ANKRD45: variants seen among roughly 807,000 people sequenced by gnomAD.
ANKRD45 encodes the protein ankyrin repeat domain-containing protein 45.
Under a neutral mutation model 28.1 loss-of-function variants are expected in ANKRD45, and 21 were observed. The ratio of observed to expected loss-of-function variants is 0.75; its 90% CI spans 0.53 to 1.08. The LOEUF is 1.08. Among genes scored for constraint, ANKRD45 ranks in the 50% least tolerant of loss-of-function variants. ANKRD45 has a pLI of 0.00. For synonymous variants in ANKRD45, 86 were observed against 103.9 expected, an observed-to-expected ratio of 0.83 and a Z score of 1.05; for missense variants, 261 against 308.7, an observed-to-expected ratio of 0.85 and a Z score of 1.16.
the ANKRD45 span, among the ~76,000 whole-genome samples, chr1:173,689,947 A>G: frequency 4.2e-4 from 64 of 151,756 alleles, no homozygotes; most frequent in African/African-American, 1.5e-3. Flanking sequence ...ACCCAAGTGT[A>G]TAACTGAGGT....
At chr1:173,654,526 A>C (rs552597692) in intron 2 of ANKRD45, among the ~76,000 whole-genome samples, 1 of 152,246 alleles carries the variant, frequency 6.6e-6, no homozygotes, top group South Asian at 2.1e-4. Context: ...GGCTGCACTT[A>C]ACATTTTTTC....
chr1:173,617,098 A>C (rs751781085), intron 5 of ANKRD45, among the ~76,000 whole-genome samples: 2 of 152,074 alleles, frequency 1.3e-5, no homozygotes, highest in Non-Finnish European at 2.9e-5. Context: ...ATGCCACCAG[A>C]GCCTTGGGTC....
chr1:173,664,286 T>G (rs867445549), intron 1 of ANKRD45, among the ~76,000 whole-genome samples: 2 of 152,238 alleles, frequency 1.3e-5, no homozygotes, highest in Non-Finnish European at 2.9e-5. Flanking sequence ...CAAAAGTGTC[T>G]GTTATTATTA....
intron 2 of ANKRD45, among the ~76,000 whole-genome samples, chr1:173,652,794 GC>G (rs200995564): frequency 0.17 from 25,474 of 151,918 alleles, 7,140 homozygotes; most frequent in African/African-American, 0.58. Context: ...GGTCTATTCA[GC>G]AGTTCAACTT....
At chr1:173,686,337 T>G in the ANKRD45 span, among the ~76,000 whole-genome samples, 1 of 152,140 alleles carries the variant, frequency 6.6e-6, no homozygotes, top group Non-Finnish European at 1.5e-5. Context: ...TTTCTTAGCT[T>G]TAGTTTGGTA....
At chr1:173,670,194 T>G (rs1670208585), upstream of ANKRD45, among the ~76,000 whole-genome samples, 2 of 152,234 alleles carry the variant, frequency 1.3e-5, no homozygotes, top group Admixed American at 1.3e-4. Flanking sequence ...TTGGATATCT[T>G]TCTCCCATGG....
At chr1:173,680,616 A>G in the ANKRD45 span, among the ~76,000 whole-genome samples, 2 of 152,072 alleles carry the variant, frequency 1.3e-5, no homozygotes, top group Non-Finnish European at 2.9e-5. Flanking sequence ...CATTCTGCAC[A>G]TGTACCCCAG....
chr1:173,700,544 A>T, the ANKRD45 span, among the ~76,000 whole-genome samples: 3 of 152,298 alleles, frequency 2.0e-5, no homozygotes, highest in East Asian at 5.8e-4. Flanking sequence ...TGATCTTTGG[A>T]CAACCTGACA....
the ANKRD45 span, among the ~76,000 whole-genome samples, chr1:173,689,853 C>T: frequency 6.6e-6 from 1 of 152,072 alleles, no homozygotes; most frequent in African/African-American, 2.4e-5. Context: ...AGGGTGCTCA[C>T]ATTCCTGAAC....
At position 173,608,434 on chromosome 1, in the gene ANKRD45, C is replaced by T. The variant is rs551968244; in HGVS notation, c.*1711G>A. Among the ~76,000 whole-genome samples the T allele has an allele frequency of 1.3e-5, 2 of 152,278 alleles. No individual in the cohort carries two copies. Among genetic ancestry groups the T allele is most frequent in the East Asian group, 1.9e-4 (1 of 5,172 alleles). On this transcript the variant is annotated 3_prime_UTR_variant, in exon 6 of 6. Transcript: ENST00000333279. ...CCGGGCTCAGGTGATTCTCCTGCCT[C>T]AGCCTCCCAAGTCACTGGGATTACA...
chr1:173,652,880 G>T (rs1411079576), intron 2 of ANKRD45, among the ~76,000 whole-genome samples: 1 of 152,198 alleles, frequency 6.6e-6, no homozygotes, highest in Admixed American at 6.5e-5. Flanking sequence ...TAGTTTATTT[G>T]TGTAGAGGTG....
At chr1:173,686,689 T>C in the ANKRD45 span, among the ~76,000 whole-genome samples, 1 of 152,364 alleles carries the variant, frequency 6.6e-6, no homozygotes, top group African/African-American at 2.4e-5. Context: ...GTGGACTTTA[T>C]AGTCCTTGGT....
the ANKRD45 span, among the ~76,000 whole-genome samples, chr1:173,682,684 T>TATACACACACACAC: frequency 1.7e-4 from 24 of 143,940 alleles, 1 homozygote; most frequent in African/African-American, 5.7e-4. Flanking sequence ...GCCTTTTAAA[T>TATACACACACACAC]ACACACACAC....
chr1:173,626,592 T>A (rs1318861812), intron 4 of ANKRD45, among the ~76,000 whole-genome samples: 1 of 152,210 alleles, frequency 6.6e-6, no homozygotes, highest in Admixed American at 6.5e-5. Flanking sequence ...CCAGTACTAT[T>A]AATACAGCTT....
At chr1:173,644,133 A>G (rs1668821703) in intron 3 of ANKRD45, among the ~76,000 whole-genome samples, 1 of 152,244 alleles carries the variant, frequency 6.6e-6, no homozygotes, top group South Asian at 2.1e-4. Context: ...TGGAATTTTC[A>G]GTAGAATGCA....
chr1:173,623,309 C>T (rs1252969789), intron 5 of ANKRD45, among the ~76,000 whole-genome samples: 1 of 138,138 alleles, frequency 7.2e-6, no homozygotes, highest in Admixed American at 7.4e-5. Flanking sequence ...GACTCCGCCT[C>T]GAAAAAAAAA....
chr1:173,637,879 T>C (rs922750125), intron 3 of ANKRD45, among the ~76,000 whole-genome samples: 1 of 152,148 alleles, frequency 6.6e-6, no homozygotes, highest in Non-Finnish European at 1.5e-5. Flanking sequence ...TTTGGTCCTC[T>C]CTCATGGGGA....
At chr1:173,707,560 T>C in the ANKRD45 span, among the ~76,000 whole-genome samples, 8 of 152,300 alleles carry the variant, frequency 5.3e-5, no homozygotes, top group East Asian at 1.5e-3. Flanking sequence ...CTTGAACTGC[T>C]GACCTCAAGT....
chr1:173,662,019 CA>C (rs1403186836), intron 1 of ANKRD45, among the ~76,000 whole-genome samples: 1 of 152,060 alleles, frequency 6.6e-6, no homozygotes, highest in African/African-American at 2.4e-5. Flanking sequence ...AACAGCATTC[CA>C]AAGCAGGGGT....
Sources: gnomAD v4.1 joint callset for allele counts (sites outside exome capture counted in the v4.1 genomes callset) on GRCh38, gnomAD v4.1.1 for gene constraint, MANE v1.5 for transcripts, NCBI Gene and HGNC (gene_info 2026-07-23, HGNC 2026-07-21) for gene names.